The following FER1L6 variants were observed in gnomAD, a reference collection of about 807,000 sequenced individuals.
FER1L6 encodes the protein fer-1-like protein 6.
In FER1L6, 177 loss-of-function variants were observed where a neutral mutation model predicts 219.2. That is an observed-to-expected ratio of 0.81 (90% confidence interval 0.71 to 0.91). FER1L6 has a LOEUF of 0.91. FER1L6 is among the 40% of genes least tolerant of loss of function. The pLI is 0.00. For missense variants in FER1L6, 2,153 were observed against 2,259.9 expected, an observed-to-expected ratio of 0.95 and a Z score of 0.96; for synonymous variants, 768 against 824.3, an observed-to-expected ratio of 0.93 and a Z score of 1.17.
chr8:124,106,042 G>C (rs1383761732), intron 39 of FER1L6, among the ~76,000 whole-genome samples: 2 of 152,042 alleles, frequency 1.3e-5, no homozygotes, highest in African/African-American at 4.8e-5. Flanking sequence ...TTTCTTTTTG[G>C]GGTGATTAAA....
At chr8:123,917,198 T>C (rs1448649631) in intron 1 of FER1L6, among the ~76,000 whole-genome samples, 1 of 152,212 alleles carries the variant, frequency 6.6e-6, no homozygotes, top group African/African-American at 2.4e-5. Flanking sequence ...CATTTATCCA[T>C]CTGATAAATA....
chr8:123,976,003 G>A lies in FER1L6; in HGVS notation c.789G>A (p.Met263Ile). Residue 263 changes from methionine (M) to isoleucine (I), a missense_variant, in exon 9 of 41, where the codon ATG becomes ATA. Met to Ile is a conservative substitution (Grantham distance 10, BLOSUM62 1). Transcript: ENST00000522917. ...EGLPKMNSSI[M>I]ANVTKAFVGD... The stretch of plus-strand genomic sequence containing the variant: ...TGCCCAAAATGAATTCAAGCATCAT[G>A]GCGAACGTCACCAAGGCATTTGTGG... 6.2e-7 allele frequency: 1 copy of A among 1,614,088 alleles called. No individual in the cohort carries two copies. Among genetic ancestry groups the A allele is most frequent in the East Asian group, 2.2e-5 (1 of 44,880 alleles).
intron 1 of FER1L6, among the ~76,000 whole-genome samples, chr8:123,913,839 GA>G (rs531900414): frequency 0.022 from 3,093 of 140,986 alleles, 39 homozygotes; most frequent in South Asian, 0.035. Context: ...TAATTTTCTT[GA>G]AAAAAAAAAA....
chr8:123,870,911 G>A (rs1816912232), intron 1 of FER1L6, among the ~76,000 whole-genome samples: 1 of 152,212 alleles, frequency 6.6e-6, no homozygotes, highest in South Asian at 2.1e-4. Context: ...AAAGGGCTGG[G>A]AAGAAAATGT....
rs778956217 is a variant in FER1L6 at position 123,980,749 on chromosome 8, C to T, written c.1348C>T (p.Gln450Ter). 1.7e-5 allele frequency: 27 copies of T among 1,614,034 alleles called. No individual in the cohort carries two copies. The highest frequency in any genetic ancestry group is 2.3e-5 in the Non-Finnish European group (27 of 1,180,014). Residue 450 changes from glutamine (Q) to a stop codon, truncating the protein, a stop_gained, in exon 11 of 41, where the codon CAG becomes TAG. Transcript: ENST00000522917. LOFTEE classifies it high-confidence loss of function. ...CAAAACTGAAGATGGAAAATCCCAA[C>T]AGGCTTCAAACAAAACTAACTCAAC... ...ADKTEDGKSQ[Q>*]ASNKTNSTEV...
intron 1 of FER1L6, among the ~76,000 whole-genome samples, chr8:123,880,249 G>A (rs766647744): frequency 5.3e-5 from 8 of 151,914 alleles, no homozygotes; most frequent in Non-Finnish European, 1.0e-4. Flanking sequence ...CCAGCTGATC[G>A]ACCAACAGAC....
At chr8:123,942,690 G>T (rs551131682) in intron 1 of FER1L6, among the ~76,000 whole-genome samples, 3 of 152,282 alleles carry the variant, frequency 2.0e-5, no homozygotes, top group East Asian at 1.9e-4. Context: ...TATCTTAAAA[G>T]GTCACTTGTC....
chr8:123,914,303 T>A (rs1325368160), intron 1 of FER1L6, among the ~76,000 whole-genome samples: 1 of 152,234 alleles, frequency 6.6e-6, no homozygotes, highest in Non-Finnish European at 1.5e-5. Flanking sequence ...CTTCTAATGA[T>A]GTTTTTAGAA....
At chr8:123,907,653 T>C (rs901344105) in intron 1 of FER1L6, among the ~76,000 whole-genome samples, 1 of 148,952 alleles carries the variant, frequency 6.7e-6, no homozygotes, top group African/African-American at 2.5e-5. Flanking sequence ...AGAATATGGT[T>C]AAAACCCAGG....
At position 124,064,498 on chromosome 8, in the gene FER1L6, C is replaced by T. The variant is rs1409398132; in HGVS notation, c.3480C>T (p.Val1160=). Residue 1160 remains valine (V), a synonymous_variant, in exon 26 of 41, where the codon GTC becomes GTT. Transcript: ENST00000522917. ...AQAQPAILVD[V]PDSSPMLEPE... is the part of the protein sequence containing the mutation. The stretch of plus-strand genomic sequence containing the variant: ...CCCAGCCGGCCATCCTGGTTGACGT[C>T]CCTGACTCATCCCCGATGCTGGAGC... The T allele has an allele frequency of 3.7e-6, 6 of 1,613,886 alleles. No individual in the cohort carries two copies. Among genetic ancestry groups the T allele is most frequent in the Non-Finnish European group, 5.1e-6 (6 of 1,179,976 alleles).
At chr8:123,960,409 G>T (rs1815217922) in intron 2 of FER1L6, among the ~76,000 whole-genome samples, 1 of 152,064 alleles carries the variant, frequency 6.6e-6, no homozygotes, top group African/African-American at 2.4e-5. Flanking sequence ...TAGAATCTAG[G>T]GTGGAGAGGA....
At chr8:123,893,910 A>G (rs1812694773) in intron 1 of FER1L6, among the ~76,000 whole-genome samples, 1 of 152,194 alleles carries the variant, frequency 6.6e-6, no homozygotes, top group Non-Finnish European at 1.5e-5. Context: ...GTATTAGATT[A>G]ACCTTTGATT....
At chr8:124,114,895 GTA>G (rs71289637) in intron 39 of FER1L6, among the ~76,000 whole-genome samples, 4,917 of 89,878 alleles carry the variant, frequency 0.055, 174 homozygotes, top group East Asian at 0.11. Context: ...GTGTGTGTGC[GTA>G]TATATATATA....
chr8:124,080,675 C>T (rs992188548), intron 32 of FER1L6, among the ~76,000 whole-genome samples: 3 of 152,086 alleles, frequency 2.0e-5, no homozygotes, highest in Admixed American at 6.5e-5. Context: ...CATTAATATA[C>T]GGACCCACAG....
At chr8:123,985,877 A>T in intron 11 of FER1L6, 191 bp from the exon 12 acceptor site, 1 of 556,678 alleles carries the variant, frequency 1.8e-6, no homozygotes. Flanking sequence ...ATGAATGACT[A>T]AATTTGGATC....
chr8:124,088,290 C>T (rs1821866176), intron 33 of FER1L6, among the ~76,000 whole-genome samples: 1 of 152,140 alleles, frequency 6.6e-6, no homozygotes, highest in Admixed American at 6.5e-5. Context: ...AGAGGGGTCT[C>T]TCCCCATGGC....
Position 124,119,655 on chromosome 8 carries a change from G to T in FER1L6, c.5439G>T (p.Leu1813=). The change falls in exon 41 of 41, where the codon CTG becomes CTT. Residue 1813 remains leucine (L), a synonymous_variant. Coordinates refer to ENST00000522917, the MANE Select transcript of FER1L6 (RefSeq NM_001039112.2). ...GGTTCATGAGCCCCTTTAAGTGCCT[G>T]TACTACCTCATCTGGAAGAATTACA... is the stretch of plus-strand genomic sequence containing the variant. The part of the protein sequence containing the change: ...FSWFMSPFKC[L]YYLIWKNYKK... 1 of 1,613,824 alleles carries T rather than the reference G, an allele frequency of 6.2e-7. No homozygotes were observed. The highest frequency in any genetic ancestry group is 1.1e-5 in the South Asian group (1 of 91,064).
intron 10 of FER1L6, among the ~76,000 whole-genome samples, chr8:123,980,007 C>T (rs1816250168): frequency 6.6e-6 from 1 of 152,214 alleles, no homozygotes; most frequent in African/African-American, 2.4e-5. Context: ...CTCTGCCTGC[C>T]TAACTCCCCT....
chr8:124,002,015 G>C (rs1586575686), intron 12 of FER1L6, among the ~76,000 whole-genome samples: 1 of 152,254 alleles, frequency 6.6e-6, no homozygotes, highest in Non-Finnish European at 1.5e-5. Flanking sequence ...CTGAGGTCAG[G>C]GAGACCAGCT....
Sources: allele counts gnomAD v4.1 joint callset (sites outside exome capture counted in the v4.1 genomes callset), GRCh38; gene constraint gnomAD v4.1.1; transcripts MANE v1.5; gene names NCBI Gene and HGNC (gene_info 2026-07-23, HGNC 2026-07-21).